GRAMD1A: variants seen among roughly 807,000 people sequenced by gnomAD.
The protein encoded by GRAMD1A is protein Aster-A.
Under a neutral mutation model 92.0 loss-of-function variants are expected in GRAMD1A, and 50 were observed. The observed-to-expected ratio is 0.54, with a 90% confidence interval of 0.43 to 0.69. The LOEUF is 0.69. Ranked by LOEUF, GRAMD1A falls within the 30% of genes least tolerant of loss-of-function variation. The pLI is 0.00. For synonymous variants in GRAMD1A, 405 were observed against 403.6 expected (o/e 1.00, Z -0.04); for missense variants, 819 against 978.9 (o/e 0.84, Z 2.18).
Position 35,023,340 on chromosome 19 carries a change from A to C in GRAMD1A, c.1958A>C (p.Lys653Thr). The C allele has an allele frequency of 6.2e-7, 1 of 1,613,962 alleles. No individual in the cohort carries two copies. Among genetic ancestry groups the C allele is most frequent in the Non-Finnish European group, 8.5e-7 (1 of 1,179,854 alleles). ...TCCTGGCACAGCCTGGCCCTGGCCA[A>C]GGGGTGAGTGGGTAGCCTGGGGAAA... ...FESWHSLALA[K>T]GKFPQTATEW... is the part of the protein sequence containing the mutation. Residue 653 changes from lysine (K) to threonine (T), a missense_variant, in exon 18 of 20, where the codon AAG becomes ACG. Coordinates refer to ENST00000317991, the MANE Select transcript of GRAMD1A (RefSeq NM_020895.5).
Position 35,011,534 on chromosome 19 carries a change from C to T in GRAMD1A, c.586C>T (p.Gln196Ter). The T allele has an allele frequency of 6.2e-7, 1 of 1,610,956 alleles. No homozygotes were observed. The highest frequency in any genetic ancestry group is 1.1e-5 in the South Asian group (1 of 91,072). ...RCFLLIFRLWQNALLEKTLSP... is the reference protein window; with the variant it reads ...RCFLLIFRLW ...CTTCCTCCTCATCTTCCGCCTCTGGCAGAATGCACTGCTTGAAAAGGTGGG... is the reference window on the plus strand; with the variant it reads ...CTTCCTCCTCATCTTCCGCCTCTGGTAGAATGCACTGCTTGAAAAGGTGGG... Residue 196 changes from glutamine to a stop codon, truncating the protein, a stop_gained, in exon 7 of 20, where the codon CAG (glutamine) becomes TAG (stop). Transcript: ENST00000317991. LOFTEE classifies it high-confidence loss of function.
At chr19:35,006,812 CA>C (rs2014854568) in intron 1 of GRAMD1A, among the ~76,000 whole-genome samples, 1 of 152,236 alleles carries the variant, frequency 6.6e-6, no homozygotes, top group Non-Finnish European at 1.5e-5. Context: ...AAACAGTAAA[CA>C]AGCAGGACAC....
At chr19:35,018,051 A>G (rs578158932) in intron 11 of GRAMD1A, among the ~76,000 whole-genome samples, 3 of 152,248 alleles carry the variant, frequency 2.0e-5, no homozygotes, top group East Asian at 3.9e-4. Context: ...GCAGTGGCAC[A>G]GTCTTGAGTC....
intron 9 of GRAMD1A, 86 bp from the exon 10 acceptor site, chr19:35,014,103 T>C: frequency 7.8e-7 from 1 of 1,279,822 alleles, no homozygotes; most frequent in Non-Finnish European, 1.1e-6. Flanking sequence ...CTGCACAGGC[T>C]CTGGAATCCT....
At chr19:35,005,534 G>C (rs2014747086) in intron 1 of GRAMD1A, among the ~76,000 whole-genome samples, 1 of 152,102 alleles carries the variant, frequency 6.6e-6, no homozygotes, top group Non-Finnish European at 1.5e-5. Context: ...ATGATCCCAG[G>C]CTCCCTCCCA....
At chr19:34,995,662 G>A (rs2014008297), upstream of GRAMD1A, among the ~76,000 whole-genome samples, 1 of 143,090 alleles carries the variant, frequency 7.0e-6, no homozygotes. Context: ...GCTCACTGCA[G>A]CCTCAAATTC....
chr19:34,996,278 C>T, upstream of GRAMD1A: 1 of 1,531,604 alleles, frequency 6.5e-7, no homozygotes, highest in Non-Finnish European at 8.7e-7. Context: ...CCCGCAGAGT[C>T]TGTCCCAGGA....
At chr19:35,010,400 G>C (rs753440845) in intron 6 of GRAMD1A, 21 bp downstream of exon 6, 1 of 1,512,188 alleles carries the variant, frequency 6.6e-7, no homozygotes. Flanking sequence ...ACCCGGTGAC[G>C]GGACCACGCG....
chr19:35,015,162 C>T (rs1403910509), intron 10 of GRAMD1A: 1 of 152,472 alleles, frequency 6.6e-6, no homozygotes, highest in African/African-American at 2.4e-5. Context: ...CAGAGCGAGA[C>T]CCTGTCTCTA....
chr19:35,015,641 G>A (rs1600313745), intron 10 of GRAMD1A, 183 bp from the exon 11 acceptor site: 1 of 554,064 alleles, frequency 1.8e-6, no homozygotes, highest in Admixed American at 3.5e-5. Context: ...TCTGGGCCTG[G>A]AGCACGTGCC....
At chr19:35,016,678 A>C (rs1281004494) in intron 11 of GRAMD1A, among the ~76,000 whole-genome samples, 3 of 151,748 alleles carry the variant, frequency 2.0e-5, no homozygotes, top group Non-Finnish European at 4.4e-5. Flanking sequence ...AGGCAGGTGG[A>C]TCACCTGAGG....
intron 19 of GRAMD1A, among the ~76,000 whole-genome samples, chr19:35,024,372 G>A (rs1163254736): frequency 6.6e-6 from 1 of 152,160 alleles, no homozygotes; most frequent in African/African-American, 2.4e-5. Flanking sequence ...GTCATCACAC[G>A]ACAATTCCCT....
chr19:35,019,230 A>G lies in GRAMD1A; in HGVS notation c.1253A>G (p.His418Arg). Residue 418 changes from histidine to arginine, a missense_variant, in exon 12 of 20, where the codon CAC becomes CGC. Coordinates refer to ENST00000317991, the MANE Select transcript of GRAMD1A (RefSeq NM_020895.5). ...CCCTGGAGTGGGGACAGCAAGTGCC[A>G]CCAGCGCCGGGTGCTGACGTACACC... ...LSPWSGDSKC[H>R]QRRVLTYTIP... 6 of 1,613,228 alleles carry G rather than the reference A, an allele frequency of 3.7e-6. No individual in the cohort carries two copies. The highest frequency in any genetic ancestry group is 3.4e-6 in the Non-Finnish European group (4 of 1,179,402).
upstream of GRAMD1A, chr19:34,996,190 CA>C: frequency 6.5e-7 from 1 of 1,535,766 alleles, no homozygotes; most frequent in South Asian, 1.2e-5. Flanking sequence ...CCATCATTCA[CA>C]TAACGCCATC....
At chr19:35,023,786 G>A in intron 19 of GRAMD1A, 1 of 437,574 alleles carries the variant, frequency 2.3e-6, no homozygotes, top group Non-Finnish European at 4.0e-6. Flanking sequence ...CTCACATTAG[G>A]CACGGCCGGG....
intron 19 of GRAMD1A, chr19:35,023,752 T>A: frequency 1.9e-6 from 1 of 529,632 alleles, no homozygotes; most frequent in Non-Finnish European, 3.2e-6. Context: ...TTGGCTCACG[T>A]CCTGGAGAAA....
Position 35,009,980 on chromosome 19 carries a change from C to G in GRAMD1A, c.325+8C>G. 1 of 1,599,886 alleles carries G rather than the reference C, an allele frequency of 6.3e-7. No individual in the cohort carries two copies. The highest frequency in any genetic ancestry group is 8.6e-7 in the Non-Finnish European group (1 of 1,166,944). On this transcript the variant is annotated splice_region_variant and intron_variant, in intron 4 of 19. Transcript: ENST00000317991. ...CAGAACGCCTCATTGTGGGTGAGTC[C>G]CGGACCCCCAGTCCCAGCTCCTAGC... is the stretch of plus-strand genomic sequence containing the variant.
chr19:34,995,585 T>G (rs868383775), upstream of GRAMD1A, among the ~76,000 whole-genome samples: 34 of 143,342 alleles, frequency 2.4e-4, 1 homozygote, highest in East Asian at 5.4e-3. Flanking sequence ...TTTTTTTTTT[T>G]TTTTTTTTTT....
At chr19:34,998,070 CA>C (rs1185258486), upstream of GRAMD1A, among the ~76,000 whole-genome samples, 6,699 of 50,260 alleles carry the variant, frequency 0.13, 446 homozygotes, top group African/African-American at 0.32. Flanking sequence ...GACCTTGTCT[CA>C]AAAAAAAAAA....
Sources: allele counts gnomAD v4.1 joint callset (sites outside exome capture counted in the v4.1 genomes callset), GRCh38; gene constraint gnomAD v4.1.1; transcripts MANE v1.5; gene names NCBI Gene and HGNC (gene_info 2026-07-23, HGNC 2026-07-21).